SULF2: variants seen among roughly 807,000 people sequenced by gnomAD.
The protein encoded by SULF2 is extracellular sulfatase Sulf-2.
In SULF2, 52 loss-of-function variants were observed where a neutral mutation model predicts 107.7. The observed-to-expected ratio is 0.48, with a 90% CI of 0.39 to 0.61. The LOEUF (loss-of-function observed/expected upper bound fraction) is 0.61. Among genes scored for constraint, SULF2 ranks in the 20% least tolerant of loss-of-function variants. The probability of loss-of-function intolerance (pLI) is 0.00; values close to 1 mark genes in which losing one functional copy is unlikely to be tolerated. For synonymous variants in SULF2, 460 were observed against 464.3 expected, an observed-to-expected ratio of 0.99 and a Z score of 0.12; for missense variants, 993 against 1,177.3, an observed-to-expected ratio of 0.84 and a Z score of 2.29.
At chr20:47,674,255 C>T (rs774879876) in intron 10 of SULF2, among the ~76,000 whole-genome samples, 8 of 152,206 alleles carry the variant, frequency 5.3e-5, no homozygotes, top group South Asian at 2.1e-4. Flanking sequence ...GCTGTCCTGG[C>T]GGGGGCGGCG....
In SULF2 at chr20:47,661,899, G is replaced by A. The variant is rs537590508; in HGVS notation, c.2371-3C>T. 1.9e-5 allele frequency: 30 copies of A among 1,540,374 alleles called. No individual in the cohort carries two copies. Among genetic ancestry groups the A allele is most frequent in the Middle Eastern group, 3.5e-4 (2 of 5,778 alleles). On this transcript the variant is annotated splice_polypyrimidine_tract_variant and splice_region_variant and intron_variant, in intron 17 of 20. Coordinates refer to ENST00000688720, the MANE Select transcript of SULF2 (RefSeq NM_001387048.1). ...AGTGTGTTCACTGCATTCATCAGCTGGTTGCAAAAAAGGTAGTCTGTCAAC... is the reference window on the plus strand; with the variant it reads ...AGTGTGTTCACTGCATTCATCAGCTAGTTGCAAAAAAGGTAGTCTGTCAAC...
intron 1 of SULF2, among the ~76,000 whole-genome samples, chr20:47,776,401 T>C (rs75690011): frequency 0.041 from 6,292 of 152,036 alleles, 206 homozygotes; most frequent in African/African-American, 0.082. Context: ...TAAAACGGGG[T>C]TGGAAGATCC....
chr20:47,693,623 T>C (rs2088277268), intron 4 of SULF2, among the ~76,000 whole-genome samples: 1 of 152,252 alleles, frequency 6.6e-6, no homozygotes, highest in East Asian at 1.9e-4. Context: ...GAAGGATGTG[T>C]ATGATATGAT....
In SULF2 at chr20:47,772,114, C is replaced by G. The variant is rs1568928738; in HGVS notation, c.-101+13229G>C. On this transcript the variant is annotated intron_variant, in intron 1 of 20. Coordinates refer to ENST00000688720, the MANE Select transcript of SULF2 (RefSeq NM_001387048.1). ...TCTGGTATAAGTAGAATACCCAAAT[C>G]TGGGCCTAAATTCATTCATTCATTC... Among the ~76,000 whole-genome samples the G allele has an allele frequency of 2.0e-5, 3 of 152,258 alleles. No individual in the cohort carries two copies. In the East Asian group the frequency reaches 5.8e-4, roughly 29 times the overall value.
chr20:47,675,099 C>A (rs1435264633), intron 10 of SULF2, among the ~76,000 whole-genome samples: 3 of 152,198 alleles, frequency 2.0e-5, no homozygotes, highest in Non-Finnish European at 2.9e-5. Context: ...CTGCCCAAGC[C>A]CTGATCTGGG....
At chr20:47,782,333 G>A (rs889709957) in intron 1 of SULF2, among the ~76,000 whole-genome samples, 2 of 152,166 alleles carry the variant, frequency 1.3e-5, no homozygotes, top group Non-Finnish European at 2.9e-5. Flanking sequence ...GCCATTTATC[G>A]GGATGCCAAT....
At chr20:47,782,263 T>C (rs2090846605) in intron 1 of SULF2, among the ~76,000 whole-genome samples, 1 of 152,136 alleles carries the variant, frequency 6.6e-6, no homozygotes, top group Non-Finnish European at 1.5e-5. Flanking sequence ...CAGCGCTTCT[T>C]CCCCTTTAGG....
chr20:47,674,800 G>C (rs1339023826), intron 10 of SULF2, among the ~76,000 whole-genome samples: 1 of 152,176 alleles, frequency 6.6e-6, no homozygotes, highest in Non-Finnish European at 1.5e-5. Flanking sequence ...ACTGGGCAGG[G>C]CATTCCAGAA....
At chr20:47,711,888 CAT>C (rs750826443) in intron 3 of SULF2, among the ~76,000 whole-genome samples, 16 of 152,104 alleles carry the variant, frequency 1.1e-4, no homozygotes, top group South Asian at 6.2e-4. Flanking sequence ...GAATACATGA[CAT>C]ATAAAAATAC....
At position 47,677,069 on chromosome 20, in the gene SULF2, G is replaced by A. The variant is rs766456829; in HGVS notation, c.1250+9C>T. ...GGCAGGGGTGTCCCTCCCAGGACCCGGCACTCACCCTCTCTCCACCAAGAA... is the reference window on the plus strand; with the variant it reads ...GGCAGGGGTGTCCCTCCCAGGACCCAGCACTCACCCTCTCTCCACCAAGAA... On this transcript the variant is annotated intron_variant, in intron 9 of 20. Coordinates refer to ENST00000688720, the MANE Select transcript of SULF2 (RefSeq NM_001387048.1). 7.4e-6 allele frequency: 12 copies of A among 1,612,376 alleles called. No homozygotes were observed. The highest frequency in any genetic ancestry group is 3.3e-5 in the South Asian group (3 of 90,984).
At chr20:47,736,647 G>C (rs1383483711) in intron 3 of SULF2, 56 bp downstream of exon 3, 2 of 1,605,210 alleles carry the variant, frequency 1.2e-6, no homozygotes, top group East Asian at 2.2e-5. Flanking sequence ...ACCACACCTA[G>C]GGACGCCCGC....
intron 11 of SULF2, among the ~76,000 whole-genome samples, chr20:47,667,214 C>A (rs2087305092): frequency 6.6e-6 from 1 of 152,154 alleles, no homozygotes; most frequent in Admixed American, 6.5e-5. Context: ...AGGGGCCCTG[C>A]AGTGCCTGTC....
chr20:47,741,514 C>A (rs1191047605), intron 2 of SULF2, among the ~76,000 whole-genome samples: 1 of 152,224 alleles, frequency 6.6e-6, no homozygotes, highest in African/African-American at 2.4e-5. Context: ...TCATCTAACA[C>A]ATGATATACT....
chr20:47,676,397 C>T, intron 10 of SULF2, 97 bp downstream of exon 10: 16 of 1,425,428 alleles, frequency 1.1e-5, no homozygotes, highest in Non-Finnish European at 1.1e-5. Context: ...GTTGGGAGGC[C>T]CTGGCCCTGC....
chr20:47,682,561 A>G (rs1419607287), intron 7 of SULF2, among the ~76,000 whole-genome samples: 1 of 152,106 alleles, frequency 6.6e-6, no homozygotes, highest in Non-Finnish European at 1.5e-5. Context: ...AGGGAAGAGC[A>G]TTTCCCTTTG....
At chr20:47,687,090 G>T (rs996288392) in intron 5 of SULF2, among the ~76,000 whole-genome samples, 47 of 152,296 alleles carry the variant, frequency 3.1e-4, no homozygotes, top group African/African-American at 1.1e-3. Context: ...ATTCCAGGAT[G>T]CAATTTTCAG....
intron 10 of SULF2, among the ~76,000 whole-genome samples, chr20:47,672,764 C>G (rs1054028825): frequency 6.6e-6 from 1 of 152,174 alleles, no homozygotes; most frequent in Admixed American, 6.5e-5. Context: ...AAGACCCAAG[C>G]TCCTGATACT....
At chr20:47,683,259 C>T (rs1389303859) in intron 6 of SULF2, 90 bp from the exon 7 acceptor site, 5 of 1,280,626 alleles carry the variant, frequency 3.9e-6, no homozygotes, top group African/African-American at 3.0e-5. Context: ...AGATCTCAGG[C>T]CCCGTCCCTC....
At chr20:47,708,108 G>A (rs962327436) in intron 3 of SULF2, among the ~76,000 whole-genome samples, 23 of 152,190 alleles carry the variant, frequency 1.5e-4, no homozygotes, top group African/African-American at 5.6e-4. Context: ...TGGAATCACA[G>A]GAGTGAACAA....
Sources: allele counts gnomAD v4.1 joint callset (sites outside exome capture counted in the v4.1 genomes callset), GRCh38; gene constraint gnomAD v4.1.1; transcripts MANE v1.5; gene names NCBI Gene and HGNC (gene_info 2026-07-23, HGNC 2026-07-21).